The following ZNF385D variants were observed in gnomAD, a reference collection of about 807,000 sequenced individuals.
The protein encoded by ZNF385D is zinc finger protein 659.
Under a neutral mutation model 35.8 loss-of-function variants are expected in ZNF385D, and 15 were observed. The ratio of observed to expected loss-of-function variants is 0.42; its 90% CI spans 0.28 to 0.64. ZNF385D has a LOEUF of 0.64. Ranked by LOEUF, ZNF385D falls within the 30% of genes least tolerant of loss-of-function variation. The probability of loss-of-function intolerance (pLI) is 0.23; values close to 1 mark genes in which losing one functional copy is unlikely to be tolerated. For missense variants in ZNF385D, 474 were observed against 494.6 expected (o/e 0.96, Z 0.39); for synonymous variants, 212 against 186.8 (o/e 1.13, Z -1.10).
intron 3 of ZNF385D, among the ~76,000 whole-genome samples, chr3:22,149,126 G>A (rs1208472190): frequency 3.3e-5 from 5 of 152,020 alleles, no homozygotes; most frequent in South Asian, 2.1e-4. Flanking sequence ...ACGCAACCCC[G>A]GACCTGTATC....
chr3:21,727,281 A>C (rs114637906), intron 1 of ZNF385D, among the ~76,000 whole-genome samples: 1 of 152,194 alleles, frequency 6.6e-6, no homozygotes, highest in Non-Finnish European at 1.5e-5. Flanking sequence ...TTTATGTCCA[A>C]AACACCAAAA....
intron 2 of ZNF385D, among the ~76,000 whole-genome samples, chr3:21,600,165 A>G (rs576194527): frequency 6.6e-5 from 10 of 152,310 alleles, no homozygotes; most frequent in African/African-American, 2.4e-4. Context: ...GTTTAGCATA[A>G]TAAAGAAATA....
rs145384205 is a variant in ZNF385D at position 21,955,672 on chromosome 3, C to G, written c.325+213145G>C. Among the ~76,000 whole-genome samples the G allele has an allele frequency of 2.0e-5, 3 of 152,214 alleles. No homozygotes were observed. In the South Asian group the frequency reaches 6.2e-4, roughly 32 times the overall value. Reference sequence around the variant, plus strand: ...GTTTACCCTGCTGCATAGATTCAGCCTGACCATTTAATTAACCCACATGTT... The same window carrying G: ...GTTTACCCTGCTGCATAGATTCAGCGTGACCATTTAATTAACCCACATGTT... On this transcript the variant is annotated intron_variant, in intron 3 of 5. Transcript: ENST00000494108.
intron 3 of ZNF385D, among the ~76,000 whole-genome samples, chr3:21,872,240 G>A (rs979482368): frequency 6.6e-6 from 1 of 152,112 alleles, no homozygotes; most frequent in African/African-American, 2.4e-5. Flanking sequence ...GGCGACAACT[G>A]CCTTTAGCAG....
chr3:21,837,057 C>A (rs1414496555), intron 3 of ZNF385D, among the ~76,000 whole-genome samples: 1 of 152,062 alleles, frequency 6.6e-6, no homozygotes, highest in Non-Finnish European at 1.5e-5. Flanking sequence ...GGTATGTATC[C>A]TTAAAGCTCT....
intron 3 of ZNF385D, among the ~76,000 whole-genome samples, chr3:22,017,596 A>G (rs1174557986): frequency 6.6e-6 from 1 of 150,420 alleles, no homozygotes; most frequent in Non-Finnish European, 1.5e-5. Context: ...TCTTTTATCA[A>G]TTTTTATTAT....
chr3:22,257,542 T>C (rs1700379350), intron 2 of ZNF385D, among the ~76,000 whole-genome samples: 1 of 151,802 alleles, frequency 6.6e-6, no homozygotes, highest in Admixed American at 6.6e-5. Flanking sequence ...TTCTCCAGAA[T>C]TTCATACGTG....
At chr3:21,688,569 T>A (rs1206375263) in intron 1 of ZNF385D, among the ~76,000 whole-genome samples, 1 of 152,180 alleles carries the variant, frequency 6.6e-6, no homozygotes, top group Non-Finnish European at 1.5e-5. Context: ...CTACATTCTT[T>A]CTGAATCTCA....
intron 6 of ZNF385D, among the ~76,000 whole-genome samples, chr3:21,425,150 A>T (rs912281957): frequency 6.6e-5 from 10 of 152,252 alleles, no homozygotes; most frequent in African/African-American, 2.2e-4. Flanking sequence ...TCTTTAAAGA[A>T]AATCAACACT....
chr3:22,285,041 C>T (rs892772168), intron 2 of ZNF385D, among the ~76,000 whole-genome samples: 1 of 151,976 alleles, frequency 6.6e-6, no homozygotes, highest in Non-Finnish European at 1.5e-5. Flanking sequence ...CTAAATGTTG[C>T]AGAATAATCC....
chr3:22,316,388 A>C (rs1703886679), intron 2 of ZNF385D, among the ~76,000 whole-genome samples: 2 of 152,176 alleles, frequency 1.3e-5, no homozygotes, highest in Non-Finnish European at 2.9e-5. Flanking sequence ...ATTAATAATA[A>C]AGTAGGTCTT....
intron 3 of ZNF385D, among the ~76,000 whole-genome samples, chr3:22,057,483 A>G (rs915269180): frequency 6.6e-6 from 1 of 151,842 alleles, no homozygotes; most frequent in Non-Finnish European, 1.5e-5. Flanking sequence ...AATTACTCCA[A>G]AACATTATTT....
At chr3:22,072,741 A>T (rs1389839336) in intron 3 of ZNF385D, among the ~76,000 whole-genome samples, 1 of 151,944 alleles carries the variant, frequency 6.6e-6, no homozygotes, top group Non-Finnish European at 1.5e-5. Context: ...GACAAGGAAG[A>T]AAAAAGAAGA....
intron 3 of ZNF385D, among the ~76,000 whole-genome samples, chr3:22,131,091 A>C (rs7645403): frequency 0.027 from 4,156 of 152,274 alleles, 196 homozygotes; most frequent in African/African-American, 0.095. Flanking sequence ...TAACAGTTAA[A>C]TTCATGATGT....
chr3:21,615,529 A>G (rs2064820642), intron 2 of ZNF385D, among the ~76,000 whole-genome samples: 1 of 152,222 alleles, frequency 6.6e-6, no homozygotes, highest in Admixed American at 6.5e-5. Context: ...AGAGTCTCAT[A>G]TATAAGAACT....
At chr3:22,079,145 G>C (rs1303445987) in intron 3 of ZNF385D, among the ~76,000 whole-genome samples, 1 of 151,948 alleles carries the variant, frequency 6.6e-6, no homozygotes, top group Non-Finnish European at 1.5e-5. Flanking sequence ...TGGATTACTG[G>C]TAACCTACAT....
At chr3:21,648,714 A>G (rs2065825865) in intron 2 of ZNF385D, among the ~76,000 whole-genome samples, 1 of 152,168 alleles carries the variant, frequency 6.6e-6, no homozygotes, top group Non-Finnish European at 1.5e-5. Flanking sequence ...ATTGGAGTAG[A>G]ATTGGAAAGC....
intron 3 of ZNF385D, among the ~76,000 whole-genome samples, chr3:22,122,596 CAGAA>C (rs780933510): frequency 6.6e-6 from 1 of 151,618 alleles, no homozygotes; most frequent in African/African-American, 2.4e-5. Context: ...ATTTCAAAAA[CAGAA>C]AGAGAAAAAA....
At chr3:22,187,356 A>G (rs1045441526) in intron 2 of ZNF385D, among the ~76,000 whole-genome samples, 9 of 152,140 alleles carry the variant, frequency 5.9e-5, no homozygotes, top group South Asian at 2.1e-4. Flanking sequence ...CAAGCTCATG[A>G]TAACTAATGG....
Sources: gnomAD v4.1 joint callset for allele counts (sites outside exome capture counted in the v4.1 genomes callset) on GRCh38, gnomAD v4.1.1 for gene constraint, MANE v1.5 for transcripts, NCBI Gene and HGNC (gene_info 2026-07-23, HGNC 2026-07-21) for gene names.